Variants in YWHAE observed in about 807,000 individuals in gnomAD.
The protein encoded by YWHAE is tyrosine 3-monooxygenase/tryptophan 5-monooxygenase activation protein epsilon, also known as 14-3-3 protein epsilon.
A neutral mutation model predicts 30.1 loss-of-function variants in YWHAE; 4 were observed. The ratio of observed to expected loss-of-function variants is 0.13; its 90% CI spans 0.07 to 0.30. YWHAE has a LOEUF of 0.30. Among genes scored for constraint, YWHAE ranks in the 10% least tolerant of loss-of-function variants. The probability of loss-of-function intolerance (pLI) is 1.00; values close to 1 mark genes in which losing one functional copy is unlikely to be tolerated. For synonymous variants in YWHAE, 118 were observed against 111.8 expected, an observed-to-expected ratio of 1.06 and a Z score of -0.35; for missense variants, 121 against 315.9, an observed-to-expected ratio of 0.38 and a Z score of 4.68.
intron 4 of YWHAE, among the ~76,000 whole-genome samples, chr17:1,359,934 A>AGAGGG: frequency 3.9e-5 from 1 of 25,540 alleles, no homozygotes; most frequent in Non-Finnish European, 7.6e-5. Flanking sequence ...GGAGGGGGGG[A>AGAGGG]GGAGGGGGAG....
intron 1 of YWHAE, among the ~76,000 whole-genome samples, chr17:1,378,321 T>G (rs918111949): frequency 6.6e-6 from 1 of 152,160 alleles, no homozygotes; most frequent in Admixed American, 6.5e-5. Context: ...ATAATCTGAT[T>G]CAGCTTGGAC....
At chr17:1,361,629 T>C (rs2072866445) in intron 3 of YWHAE, 2 of 422,588 alleles carry the variant, frequency 4.7e-6, no homozygotes, top group Non-Finnish European at 8.3e-6. Flanking sequence ...AATCATAAAA[T>C]AAAATGTCTA....
At chr17:1,345,590 C>G in intron 5 of YWHAE, 91 bp from the exon 6 acceptor site, 2 of 1,344,284 alleles carry the variant, frequency 1.5e-6, no homozygotes, top group Non-Finnish European at 2.1e-6. Flanking sequence ...AGCATAAAGA[C>G]TCTTCTACTT....
chr17:1,379,118 G>T (rs1417724700), intron 1 of YWHAE, among the ~76,000 whole-genome samples: 1 of 152,044 alleles, frequency 6.6e-6, no homozygotes, highest in Admixed American at 6.6e-5. Flanking sequence ...TAAAGTTTGC[G>T]ATGTCATCAC....
In YWHAE at chr17:1,400,027, C is replaced by T; in HGVS notation, c.64+20G>A. On this transcript the variant is annotated intron_variant, in intron 1 of 5. Transcript: ENST00000264335. ...CAGAGGGTCCGAGAATTCCAGCCCC[C>T]CGTTGCCCCCCCAACTCACCGTCGT... The T allele has an allele frequency of 5.0e-6, 8 of 1,609,830 alleles. No homozygotes were observed. The highest frequency in any genetic ancestry group is 6.8e-6 in the Non-Finnish European group (8 of 1,176,128).
At chr17:1,353,393 G>A (rs1398444049) in intron 5 of YWHAE, among the ~76,000 whole-genome samples, 2 of 143,996 alleles carry the variant, frequency 1.4e-5, no homozygotes, top group Non-Finnish European at 1.5e-5. Context: ...AGCCAAGATC[G>A]CGCCACTGCA....
In YWHAE at chr17:1,366,746, C is replaced by G. The variant is rs570445748; in HGVS notation, c.65-1688G>C. Among the ~76,000 whole-genome samples the G allele has an allele frequency of 4.6e-5, 7 of 152,014 alleles. No homozygotes were observed. The East Asian group carries it at 1.4e-3, about 29-fold the overall frequency. On this transcript the variant is annotated intron_variant, in intron 1 of 5. Transcript: ENST00000264335. Reference sequence around the variant, plus strand: ...TCGCCTGAGGTCAGGAGTTCGAGACCAGCCTGGCCAACATGGTGAAACCCG... The same window carrying G: ...TCGCCTGAGGTCAGGAGTTCGAGACGAGCCTGGCCAACATGGTGAAACCCG...
At chr17:1,372,234 CCTCTCTCAG>C (rs1211446254) in intron 1 of YWHAE, among the ~76,000 whole-genome samples, 1 of 152,222 alleles carries the variant, frequency 6.6e-6, no homozygotes, top group African/African-American at 2.4e-5. Context: ...AGCTTTCTCA[CCTCTCTCAG>C]CTTTCTTAAA....
intron 4 of YWHAE, among the ~76,000 whole-genome samples, chr17:1,360,850 C>A (rs1332225341): frequency 1.3e-5 from 2 of 152,082 alleles, no homozygotes; most frequent in African/African-American, 4.8e-5. Context: ...CTCATTTTAA[C>A]ATGTTAGATT....
At chr17:1,399,926 G>T (rs2073541860) in intron 1 of YWHAE, 121 bp downstream of exon 1, 4 of 1,272,600 alleles carry the variant, frequency 3.1e-6, no homozygotes, top group Admixed American at 1.7e-5. Context: ...CCTGCTTCCC[G>T]AACCCAAGCC....
intron 1 of YWHAE, among the ~76,000 whole-genome samples, chr17:1,365,410 G>C (rs887546089): frequency 6.6e-6 from 1 of 152,108 alleles, no homozygotes; most frequent in African/African-American, 2.4e-5. Flanking sequence ...GAAAGATTAA[G>C]AATTTACAGG....
chr17:1,345,719 C>A (rs2072506160), intron 5 of YWHAE, among the ~76,000 whole-genome samples: 1 of 152,140 alleles, frequency 6.6e-6, no homozygotes, highest in Non-Finnish European at 1.5e-5. Flanking sequence ...ATGAAAAAAA[C>A]TGATGCGCAG....
chr17:1,397,870 T>C (rs149504095), intron 1 of YWHAE, among the ~76,000 whole-genome samples: 1 of 152,264 alleles, frequency 6.6e-6, no homozygotes, highest in Non-Finnish European at 1.5e-5. Context: ...GTAGATCCTA[T>C]TTCCTTACCC....
At chr17:1,371,915 T>C (rs1052757369) in intron 1 of YWHAE, among the ~76,000 whole-genome samples, 20 of 151,040 alleles carry the variant, frequency 1.3e-4, no homozygotes, top group Admixed American at 1.1e-3. Context: ...CTCAGCTCAC[T>C]GCAACCTCCG....
intron 2 of YWHAE, among the ~76,000 whole-genome samples, chr17:1,363,958 AC>A (rs1251219721): frequency 6.6e-6 from 1 of 152,100 alleles, no homozygotes; most frequent in Admixed American, 6.6e-5. Context: ...TCCCCACCCC[AC>A]TAGATGCTAG....
intron 5 of YWHAE, among the ~76,000 whole-genome samples, chr17:1,350,189 T>G (rs1159420735): frequency 1.3e-5 from 2 of 151,790 alleles, no homozygotes; most frequent in African/African-American, 4.8e-5. Flanking sequence ...TGACCTCAGG[T>G]GATCCACCCG....
intron 1 of YWHAE, among the ~76,000 whole-genome samples, chr17:1,384,420 G>A (rs530323567): frequency 3.4e-4 from 50 of 149,104 alleles, no homozygotes; most frequent in Non-Finnish European, 4.5e-4. Context: ...GACCGGGCGC[G>A]GTGGCTCACG....
chr17:1,359,018 C>A (rs2072809272), intron 4 of YWHAE, among the ~76,000 whole-genome samples: 1 of 151,830 alleles, frequency 6.6e-6, no homozygotes, highest in East Asian at 1.9e-4. Flanking sequence ...CGCCTATAAT[C>A]CCAGCTACTT....
chr17:1,399,971 G>A (rs1375167388), intron 1 of YWHAE, 76 bp downstream of exon 1: 5 of 1,574,532 alleles, frequency 3.2e-6, no homozygotes, highest in Non-Finnish European at 4.4e-6. Flanking sequence ...CCGCCATTTT[G>A]TCTCCTGTTC....
Sources: allele counts gnomAD v4.1 joint callset (sites outside exome capture counted in the v4.1 genomes callset), GRCh38; gene constraint gnomAD v4.1.1; transcripts MANE v1.5; gene names NCBI Gene and HGNC (gene_info 2026-07-23, HGNC 2026-07-21).